Variants in PLIN3 observed in about 807,000 individuals in gnomAD.
PLIN3 encodes the protein perilipin 3, also known as perilipin-3.
A neutral mutation model predicts 35.9 loss-of-function variants in PLIN3; 30 were observed. The ratio of observed to expected loss-of-function variants is 0.84; its 90% CI spans 0.62 to 1.13. The LOEUF is 1.13. PLIN3 is among the 50% of genes most tolerant of loss of function. The pLI, the probability that PLIN3 is intolerant of heterozygous loss-of-function variation, is 0.00. For missense variants in PLIN3, 603 were observed against 596.9 expected (o/e 1.01, Z -0.11); for synonymous variants, 261 against 262.5 (o/e 0.99, Z 0.06).
chr19:4,855,249 GAAAAAAAAA>G (rs377681525), intron 4 of PLIN3, among the ~76,000 whole-genome samples: 4 of 36,412 alleles, frequency 1.1e-4, no homozygotes, highest in African/African-American at 2.9e-4. Flanking sequence ...GACTCCATCT[GAAAAAAAAA>G]AAAAAAAAAA....
intron 7 of PLIN3, among the ~76,000 whole-genome samples, chr19:4,843,541 T>TAAATAAATAAATAAA (rs2029981506): frequency 3.4e-5 from 2 of 59,300 alleles, no homozygotes; most frequent in Non-Finnish European, 8.3e-5. Flanking sequence ...AAATAAATAA[T>TAAATAAATAAATAAA]TGATCTGGGG....
At chr19:4,843,510 A>AAAAAAAAT (rs1555733213) in intron 7 of PLIN3, among the ~76,000 whole-genome samples, 12,323 of 139,438 alleles carry the variant, frequency 0.088, 678 homozygotes, top group Middle Eastern at 0.14. Flanking sequence ...TCCATCTCAA[A>AAAAAAAAT]AAATAAATAA....
intron 5 of PLIN3, 37 bp from the exon 6 acceptor site, chr19:4,847,927 G>A: frequency 3.4e-6 from 5 of 1,482,938 alleles, no homozygotes; most frequent in Non-Finnish European, 3.7e-6. Context: ...GTGAAGACCA[G>A]AACACACAGC....
At chr19:4,852,394 G>A (rs917173272) in intron 4 of PLIN3, 93 bp from the exon 5 acceptor site, 7 of 1,461,418 alleles carry the variant, frequency 4.8e-6, no homozygotes, top group Middle Eastern at 1.8e-4. Context: ...CCGAGGCGGG[G>A]AGCGCCATCC....
chr19:4,858,530 A>G (rs1351794420), intron 4 of PLIN3, among the ~76,000 whole-genome samples: 2 of 148,800 alleles, frequency 1.3e-5, no homozygotes, highest in Non-Finnish European at 3.0e-5. Flanking sequence ...GGCACACGCC[A>G]CCACGCCAAG....
chr19:4,859,159 T>C (rs1268699870), intron 4 of PLIN3, among the ~76,000 whole-genome samples: 3 of 152,156 alleles, frequency 2.0e-5, no homozygotes, highest in Non-Finnish European at 4.4e-5. Context: ...CTTGCCATTG[T>C]AGGGTGAAAG....
intron 4 of PLIN3, among the ~76,000 whole-genome samples, chr19:4,857,450 C>T (rs1335968143): frequency 6.6e-6 from 1 of 151,910 alleles, no homozygotes; most frequent in Non-Finnish European, 1.5e-5. Context: ...TGCCTGTGGT[C>T]CCAGCTACTT....
intron 1 of PLIN3, among the ~76,000 whole-genome samples, chr19:4,862,156 G>C (rs1187233461): frequency 7.3e-6 from 1 of 137,464 alleles, no homozygotes; most frequent in East Asian, 2.1e-4. Flanking sequence ...TTTTGAGACA[G>C]AGTCTTGCTC....
chr19:4,853,487 A>G (rs927487845), intron 4 of PLIN3, among the ~76,000 whole-genome samples: 8 of 151,358 alleles, frequency 5.3e-5, no homozygotes, highest in Non-Finnish European at 7.4e-5. Context: ...CACCATGCCG[A>G]GCCGATTTTT....
In PLIN3 at chr19:4,844,805, G is replaced by T; in HGVS notation, c.835-12C>A. The T allele has an allele frequency of 6.3e-7, 1 of 1,586,042 alleles. No homozygotes were observed. Among genetic ancestry groups the T allele is most frequent in the Non-Finnish European group, 8.6e-7 (1 of 1,167,184 alleles). ...TTGACAGTTTCCATCTGGGGCAGGGGAGAGAGAAGTGAGGGAAGGAGGCTC... is the reference window on the plus strand; with the variant it reads ...TTGACAGTTTCCATCTGGGGCAGGGTAGAGAGAAGTGAGGGAAGGAGGCTC... On this transcript the variant is annotated splice_polypyrimidine_tract_variant and intron_variant, in intron 6 of 7. Transcript: ENST00000221957.
rs921097336 is a variant in PLIN3 at position 4,847,568 on chromosome 19, G to C, written c.834+123C>G. 4 of 787,632 alleles carry C rather than the reference G, an allele frequency of 5.1e-6. No homozygotes were observed. In the African/African-American group the frequency reaches 6.9e-5, roughly 14 times the overall value. 48.8% of individuals were successfully genotyped at this position (787,632 alleles called of 1,614,324 possible). On this transcript the variant is annotated intron_variant, in intron 6 of 7. Transcript: ENST00000221957. ...AGTGTACAACCAGATACAGTGCCAG[G>C]AGCAAGCGGGAATGGCCCTGCCAGC... is the stretch of plus-strand genomic sequence containing the variant.
chr19:4,855,310 A>AATT, intron 4 of PLIN3, among the ~76,000 whole-genome samples: 1 of 151,640 alleles, frequency 6.6e-6, no homozygotes, highest in Non-Finnish European at 1.5e-5. Context: ...GACCTTGAAG[A>AATT]ATTCACCCTG....
chr19:4,841,904 CAAAAAAAAAA>C (rs111932271), intron 7 of PLIN3, among the ~76,000 whole-genome samples: 7 of 38,644 alleles, frequency 1.8e-4, no homozygotes, highest in Non-Finnish European at 3.8e-4. Context: ...GACTCCATCT[CAAAAAAAAAA>C]AAAAAAAAAA....
chr19:4,855,131 T>G (rs1444439510), intron 4 of PLIN3, among the ~76,000 whole-genome samples: 1 of 150,974 alleles, frequency 6.6e-6, no homozygotes, highest in East Asian at 2.0e-4. Context: ...GCGCCTATAA[T>G]CCCAGCTACT....
chr19:4,854,581 T>A (rs552718231), intron 4 of PLIN3, among the ~76,000 whole-genome samples: 14 of 152,062 alleles, frequency 9.2e-5, no homozygotes, highest in Non-Finnish European at 1.0e-4. Flanking sequence ...TTTTTTGTAT[T>A]TTTAGTAGAG....
intron 1 of PLIN3, among the ~76,000 whole-genome samples, chr19:4,866,198 A>T (rs1035526487): frequency 6.6e-5 from 10 of 151,728 alleles, no homozygotes; most frequent in Admixed American, 5.9e-4. Flanking sequence ...TTATATTTTT[A>T]GTAGAGGTGG....
In PLIN3 at chr19:4,859,764, C is replaced by T; in HGVS notation, c.265+62G>A. The T allele has an allele frequency of 1.3e-6, 2 of 1,596,586 alleles. No individual in the cohort carries two copies. The highest frequency in any genetic ancestry group is 1.7e-6 in the Non-Finnish European group (2 of 1,165,538). On this transcript the variant is annotated intron_variant, in intron 3 of 7. Coordinates refer to ENST00000221957, the MANE Select transcript of PLIN3 (RefSeq NM_005817.5). ...AGGACCAAGAGCTGGGTAGACCCCC[C>T]TACTCCCCACCCAGGGAAATGACCA...
chr19:4,846,610 A>G (rs751444140), intron 6 of PLIN3, among the ~76,000 whole-genome samples: 1 of 151,990 alleles, frequency 6.6e-6, no homozygotes, highest in Non-Finnish European at 1.5e-5. Flanking sequence ...GAGGCCCAAG[A>G]ATCACTTGAA....
At chr19:4,867,361 G>C (rs1267622335) in intron 1 of PLIN3, among the ~76,000 whole-genome samples, 1 of 152,170 alleles carries the variant, frequency 6.6e-6, no homozygotes, top group East Asian at 1.9e-4. Flanking sequence ...CCCCTTCTAC[G>C]GGGCTCTTTC....
Sources: gnomAD v4.1 joint callset for allele counts (sites outside exome capture counted in the v4.1 genomes callset) on GRCh38, gnomAD v4.1.1 for gene constraint, MANE v1.5 for transcripts, NCBI Gene and HGNC (gene_info 2026-07-23, HGNC 2026-07-21) for gene names.